DPF3: variants seen among roughly 807,000 people sequenced by gnomAD.
DPF3 encodes zinc finger protein DPF3.
DPF3 carries 18 observed loss-of-function variants against 56.8 expected under a neutral mutation model. The ratio of observed to expected loss-of-function variants is 0.32; its 90% CI spans 0.22 to 0.47. DPF3 has a LOEUF of 0.47. DPF3 is among the 20% of genes least tolerant of loss of function. The pLI is 1.00. For synonymous variants in DPF3, 188 were observed against 180.2 expected, an observed-to-expected ratio of 1.04 and a Z score of -0.35; for missense variants, 403 against 488.8, an observed-to-expected ratio of 0.82 and a Z score of 1.65.
chr14:72,634,277 G>GTCT (rs1318378667), intron 8 of DPF3, among the ~76,000 whole-genome samples: 17 of 152,106 alleles, frequency 1.1e-4, no homozygotes, highest in Admixed American at 9.8e-4. Flanking sequence ...CCTCCTGTCT[G>GTCT]GACCACCATA....
intron 7 of DPF3, chr14:72,675,883 T>C (rs1313548213): frequency 1.3e-5 from 2 of 152,232 alleles, no homozygotes; most frequent in African/African-American, 4.8e-5. Context: ...TCCCTGGATC[T>C]CAAACACATT....
rs57886183 is a variant in DPF3, at chr14:72,764,484, G to GTTTTTTT, written c.193+7242_193+7248dup. Among the ~76,000 whole-genome samples, 31 of 52,792 alleles carry GTTTTTTT rather than the reference G, an allele frequency of 5.9e-4. 5 individuals are homozygous for GTTTTTTT. The highest frequency in any genetic ancestry group is 2.2e-3 in the African/African-American group (28 of 12,762). The allele number at this position is 52,792 out of a possible 152,430, so 34.6% of individuals were successfully genotyped here. A position where few individuals can be genotyped will look rare whatever the true frequency, so the allele number is the denominator to read the frequency against. Reference sequence around the variant, plus strand: ...AGTATGCAAACTATTTTCCTGAGTTGTTTTTTTTTTTTTTTTTTTTTTTTT... The same window carrying GTTTTTTT: ...AGTATGCAAACTATTTTCCTGAGTTGTTTTTTTTTTTTTTTTTTTTTTTTTTTTTTTT... On this transcript the variant is annotated intron_variant, in intron 2 of 10. Coordinates refer to ENST00000556509, the MANE Select transcript of DPF3 (RefSeq NM_001280542.3).
intron 2 of DPF3, among the ~76,000 whole-genome samples, chr14:72,754,071 G>T (rs8003233): frequency 0.053 from 8,098 of 152,038 alleles, 693 homozygotes; most frequent in African/African-American, 0.18. Context: ...TGTGTGTGTG[G>T]CCTTTGACAC....
intron 7 of DPF3, among the ~76,000 whole-genome samples, chr14:72,688,853 A>G (rs2153572515): frequency 6.6e-6 from 1 of 152,290 alleles, no homozygotes; most frequent in Admixed American, 6.5e-5. Context: ...CATGCAGAGG[A>G]CCCCATCAGA....
chr14:72,823,130 A>T (rs1440095350), intron 1 of DPF3, among the ~76,000 whole-genome samples: 1 of 152,140 alleles, frequency 6.6e-6, no homozygotes, highest in Non-Finnish European at 1.5e-5. Context: ...GGTTACAGGG[A>T]AGGTTTTAAG....
intron 1 of DPF3, among the ~76,000 whole-genome samples, chr14:72,838,906 T>TATATATATATATATATATATATATATATA (rs375598670): frequency 3.9e-4 from 34 of 87,732 alleles, no homozygotes; most frequent in African/African-American, 7.6e-4. Flanking sequence ...ATCATATATA[T>TATATATATATATATATATATATATATATA]TCTTTTTTTT....
chr14:72,843,033 A>T (rs544635017), intron 1 of DPF3, among the ~76,000 whole-genome samples: 2 of 152,264 alleles, frequency 1.3e-5, no homozygotes, highest in African/African-American at 4.8e-5. Context: ...AAAAAAATAA[A>T]TAAATAAATA....
At position 72,778,188 on chromosome 14, in the gene DPF3, T is replaced by A. The variant is rs182262891; in HGVS notation, c.33-6295A>T. On this transcript the variant is annotated intron_variant, in intron 1 of 10. Transcript: ENST00000556509. ...GACAGACAATTATTTAAGCCAGGGG[T>A]CCCAAACCCCTGGGCCACAGAGCAG... Among the ~76,000 whole-genome samples, 7 of 152,152 alleles carry A rather than the reference T, an allele frequency of 4.6e-5. No homozygotes were observed. The East Asian group carries it at 1.4e-3, about 29-fold the overall frequency.
At chr14:72,744,966 C>T (rs1379175426) in intron 3 of DPF3, among the ~76,000 whole-genome samples, 7 of 152,086 alleles carry the variant, frequency 4.6e-5, no homozygotes, top group Admixed American at 2.0e-4. Flanking sequence ...GGTGTGCTGA[C>T]GGCAGAACCC....
chr14:72,706,541 A>G (rs376194449), intron 6 of DPF3, among the ~76,000 whole-genome samples: 1 of 152,332 alleles, frequency 6.6e-6, no homozygotes, highest in African/African-American at 2.4e-5. Context: ...CATCCCCACC[A>G]TACACCGGAG....
intron 2 of DPF3, among the ~76,000 whole-genome samples, chr14:72,768,654 A>G (rs1410449062): frequency 6.6e-6 from 1 of 152,214 alleles, no homozygotes; most frequent in South Asian, 2.1e-4. Flanking sequence ...GATTTAATAA[A>G]GAAGAAATTA....
At chr14:72,650,896 C>T (rs946668101) in intron 8 of DPF3, among the ~76,000 whole-genome samples, 2 of 152,190 alleles carry the variant, frequency 1.3e-5, no homozygotes, top group Non-Finnish European at 2.9e-5. Context: ...CCACTGATGT[C>T]GCTCCAGTGG....
intron 8 of DPF3, chr14:72,673,974 C>T (rs753097334): frequency 1.4e-5 from 6 of 424,772 alleles, no homozygotes; most frequent in South Asian, 4.0e-5. Flanking sequence ...CGTAAAAACA[C>T]GCACAAAGAA....
At chr14:72,870,517 T>A (rs1885855919) in intron 1 of DPF3, among the ~76,000 whole-genome samples, 1 of 152,256 alleles carries the variant, frequency 6.6e-6, no homozygotes, top group African/African-American at 2.4e-5. Context: ...TTAAATAGTA[T>A]GCAATAAGCT....
At chr14:72,860,020 G>A (rs1442631195) in intron 1 of DPF3, among the ~76,000 whole-genome samples, 1 of 150,636 alleles carries the variant, frequency 6.6e-6, no homozygotes, top group African/African-American at 2.4e-5. Context: ...GTAAACATAA[G>A]TAAACAGTGG....
At chr14:72,764,230 T>C (rs1891171801) in intron 2 of DPF3, among the ~76,000 whole-genome samples, 1 of 152,158 alleles carries the variant, frequency 6.6e-6, no homozygotes, top group Admixed American at 6.5e-5. Flanking sequence ...AGCTAGTCAC[T>C]AATGGCCAAT....
At chr14:72,642,530 C>T (rs1885594162) in intron 8 of DPF3, among the ~76,000 whole-genome samples, 1 of 152,174 alleles carries the variant, frequency 6.6e-6, no homozygotes, top group African/African-American at 2.4e-5. Flanking sequence ...ATAGTGGGAA[C>T]AAAGATAATT....
chr14:72,877,438 T>A (rs895587282), intron 1 of DPF3, among the ~76,000 whole-genome samples: 8 of 152,156 alleles, frequency 5.3e-5, no homozygotes, highest in Non-Finnish European at 8.8e-5. Context: ...GCGCCTTTTG[T>A]TCTGCATTTC....
intron 6 of DPF3, among the ~76,000 whole-genome samples, chr14:72,705,073 C>T (rs924438143): frequency 1.3e-5 from 2 of 152,170 alleles, no homozygotes; most frequent in East Asian, 1.9e-4. Context: ...CCCAACCCCC[C>T]GGGCTATAGA....
Sources: gnomAD v4.1 joint callset for allele counts (sites outside exome capture counted in the v4.1 genomes callset) on GRCh38, gnomAD v4.1.1 for gene constraint, MANE v1.5 for transcripts, NCBI Gene and HGNC (gene_info 2026-07-23, HGNC 2026-07-21) for gene names.